Variants in ZCWPW2 observed in about 807,000 individuals in gnomAD.
ZCWPW2 encodes zinc finger CW-type PWWP domain protein 2.
In ZCWPW2, 45 loss-of-function variants were observed where a neutral mutation model predicts 46.6. That is an observed-to-expected ratio of 0.96 (90% CI 0.76 to 1.24). The LOEUF (loss-of-function observed/expected upper bound fraction) is 1.24. Ranked by LOEUF, ZCWPW2 falls within the 50% of genes most tolerant of loss-of-function variation. The pLI is 0.00. For synonymous variants in ZCWPW2, 152 were observed against 137.1 expected (o/e 1.11, Z -0.76); for missense variants, 429 against 403.9 (o/e 1.06, Z -0.53).
At chr3:28,498,855 T>C (rs1434166573) in intron 6 of ZCWPW2, among the ~76,000 whole-genome samples, 1 of 152,060 alleles carries the variant, frequency 6.6e-6, no homozygotes, top group Non-Finnish European at 1.5e-5. Flanking sequence ...TGTGTCCACG[T>C]GTTCATTGTT....
chr3:28,409,122 C>CTTTTTT (rs11328735), intron 2 of ZCWPW2, among the ~76,000 whole-genome samples: 698 of 81,988 alleles, frequency 8.5e-3, no homozygotes, highest in Non-Finnish European at 0.011. Context: ...TTTTCTTTTT[C>CTTTTTT]TTTTTTTTTT....
At position 28,524,592 on chromosome 3, in the gene ZCWPW2, T is replaced by C. The variant is rs1030281310; in HGVS notation, c.975T>C (p.Tyr325=). The part of the protein sequence containing the change: ...SLFENHYEED[Y]LVIDGIKLKA... ...TTGAAAACCACTATGAAGAGGACTA[T>C]CTTGTAATTGATGGGATAAAATTAA... Residue 325 remains tyrosine, a synonymous_variant, in exon 10 of 10, where the codon TAT becomes TAC. Transcript: ENST00000383768. The C allele has an allele frequency of 1.9e-5, 31 of 1,609,858 alleles. No homozygotes were observed. Among genetic ancestry groups the C allele is most frequent in the Admixed American group, 3.4e-5 (2 of 59,356 alleles).
chr3:28,433,628 C>A (rs1387383416), intron 3 of ZCWPW2, among the ~76,000 whole-genome samples: 1 of 151,792 alleles, frequency 6.6e-6, no homozygotes, highest in African/African-American at 2.4e-5. Context: ...TGGTGGCAGG[C>A]GCCTGTAATC....
At chr3:28,520,748 A>G (rs1700700033) in intron 8 of ZCWPW2, among the ~76,000 whole-genome samples, 1 of 152,164 alleles carries the variant, frequency 6.6e-6, no homozygotes, top group African/African-American at 2.4e-5. Flanking sequence ...TTTCACTTCT[A>G]CTTTATGGTT....
At chr3:28,449,723 GTATTTA>G (rs1254480248) in intron 4 of ZCWPW2, among the ~76,000 whole-genome samples, 1 of 152,104 alleles carries the variant, frequency 6.6e-6, no homozygotes, top group Non-Finnish European at 1.5e-5. Flanking sequence ...TATGTTTTCA[GTATTTA>G]TATTACTCTA....
chr3:28,515,663 T>G (rs1237980851), intron 8 of ZCWPW2, 42 bp downstream of exon 8: 1 of 1,551,298 alleles, frequency 6.4e-7, no homozygotes, highest in East Asian at 2.3e-5. Context: ...TTAACCTATA[T>G]ATAATTCCAC....
intron 5 of ZCWPW2, among the ~76,000 whole-genome samples, chr3:28,479,835 C>T (rs1004527899): frequency 1.3e-5 from 2 of 152,148 alleles, no homozygotes; most frequent in African/African-American, 4.8e-5. Context: ...CATCCATGTC[C>T]CTGCAAAGGA....
intron 1 of ZCWPW2, among the ~76,000 whole-genome samples, chr3:28,365,227 T>C (rs1466007080): frequency 1.4e-5 from 2 of 145,942 alleles, no homozygotes; most frequent in Non-Finnish European, 3.1e-5. Context: ...TTGCCCATGC[T>C]TATGTCCTGA....
At chr3:28,450,107 C>T (rs898392285) in intron 4 of ZCWPW2, among the ~76,000 whole-genome samples, 9 of 152,280 alleles carry the variant, frequency 5.9e-5, no homozygotes, top group Admixed American at 3.9e-4. Flanking sequence ...GTTCCTTAAG[C>T]ATTTGAAGTT....
At chr3:28,449,221 A>T (rs1210896724) in intron 4 of ZCWPW2, among the ~76,000 whole-genome samples, 1 of 152,178 alleles carries the variant, frequency 6.6e-6, no homozygotes, top group African/African-American at 2.4e-5. Context: ...ACCTAAAATC[A>T]TGTACAAAAA....
chr3:28,440,120 A>G (rs1697688402), intron 4 of ZCWPW2, among the ~76,000 whole-genome samples: 1 of 152,170 alleles, frequency 6.6e-6, no homozygotes, highest in African/African-American at 2.4e-5. Flanking sequence ...AAACTCTCAT[A>G]GATCTCCTGT....
chr3:28,488,886 A>C (rs1253163582), intron 5 of ZCWPW2, among the ~76,000 whole-genome samples: 1 of 152,198 alleles, frequency 6.6e-6, no homozygotes, highest in Non-Finnish European at 1.5e-5. Flanking sequence ...GAAAGTTGTT[A>C]ATTTTTGCTA....
chr3:28,449,110 A>G (rs1575148045), intron 4 of ZCWPW2, among the ~76,000 whole-genome samples: 2 of 152,096 alleles, frequency 1.3e-5, no homozygotes, highest in East Asian at 3.9e-4. Context: ...TATTCTTGAC[A>G]GTGGGGCAAA....
intron 3 of ZCWPW2, among the ~76,000 whole-genome samples, chr3:28,413,983 A>C (rs780067151): frequency 3.9e-5 from 6 of 151,990 alleles, no homozygotes; most frequent in Non-Finnish European, 7.4e-5. Flanking sequence ...ATATTCCAAT[A>C]TTTCCCATTC....
chr3:28,427,225 T>C (rs1291699705), intron 3 of ZCWPW2, among the ~76,000 whole-genome samples: 1 of 152,094 alleles, frequency 6.6e-6, no homozygotes, highest in East Asian at 1.9e-4. Flanking sequence ...AAAGGAAAAA[T>C]AGAGAAATGG....
At position 28,526,112 on chromosome 3, in the gene ZCWPW2, C is replaced by T. The variant is rs1700838511; in HGVS notation, c.*1424C>T. The stretch of plus-strand genomic sequence containing the variant: ...TGGGGATGGAACTATGCAAACCAAG[C>T]ACTGTTGTGAGGAATAAATGAGATA... On this transcript the variant is annotated 3_prime_UTR_variant, in exon 10 of 10. Transcript: ENST00000383768. Among the ~76,000 whole-genome samples the T allele has an allele frequency of 6.6e-6, 1 of 152,070 alleles. No homozygotes were observed. Among genetic ancestry groups the T allele is most frequent in the South Asian group, 2.1e-4 (1 of 4,828 alleles).
At chr3:28,472,227 C>T (rs1251762224) in intron 4 of ZCWPW2, among the ~76,000 whole-genome samples, 1 of 151,894 alleles carries the variant, frequency 6.6e-6, no homozygotes, top group East Asian at 1.9e-4. Context: ...AAAAAGAGTC[C>T]CAATATTTAT....
Position 28,348,904 on chromosome 3 carries a change from C to G in ZCWPW2, c.-433C>G, listed in dbSNP as rs1251484373. On this transcript the variant is annotated 5_prime_UTR_variant, in exon 1 of 10. Coordinates refer to ENST00000383768, the MANE Select transcript of ZCWPW2 (RefSeq NM_001040432.4). ...GCAATACGCGCGCGAGACCCAGGCC[C>G]GCCGTCGGGACCAGCACGGGCCGGA... The G allele has an allele frequency of 7.2e-6, 7 of 972,960 alleles. No individual in the cohort carries two copies. Among genetic ancestry groups the G allele is most frequent in the Non-Finnish European group, 8.6e-6 (7 of 818,650 alleles). 60.3% of individuals were successfully genotyped at this position (972,960 alleles called of 1,614,324 possible).
intron 8 of ZCWPW2, among the ~76,000 whole-genome samples, chr3:28,516,992 A>G (rs1046846764): frequency 3.9e-5 from 6 of 152,222 alleles, no homozygotes; most frequent in Non-Finnish European, 8.8e-5. Context: ...ACTCTGGGTT[A>G]CAGAAAGGAT....
Sources: gnomAD v4.1 joint callset for allele counts (sites outside exome capture counted in the v4.1 genomes callset) on GRCh38, gnomAD v4.1.1 for gene constraint, MANE v1.5 for transcripts, NCBI Gene and HGNC (gene_info 2026-07-23, HGNC 2026-07-21) for gene names.